DNAJC3: variants seen among roughly 807,000 people sequenced by gnomAD.
DNAJC3 encodes dnaJ homolog subfamily C member 3.
DNAJC3 carries 38 observed loss-of-function variants against 68.6 expected under a neutral mutation model. That is an observed-to-expected ratio of 0.55 (90% CI 0.43 to 0.73). The LOEUF (loss-of-function observed/expected upper bound fraction) is 0.73, where lower values mean the gene tolerates loss of function less well. DNAJC3 is among the 30% of genes least tolerant of loss of function. The pLI is 0.00. For missense variants in DNAJC3, 526 were observed against 591.9 expected, an observed-to-expected ratio of 0.89 and a Z score of 1.16; for synonymous variants, 203 against 204.0, an observed-to-expected ratio of 1.00 and a Z score of 0.04.
intron 2 of DNAJC3, among the ~76,000 whole-genome samples, chr13:95,712,428 G>T (rs1383459958): frequency 1.3e-5 from 2 of 149,402 alleles, no homozygotes; most frequent in Admixed American, 6.7e-5. Context: ...GGAAGCTGGA[G>T]TGTAGTAGTG....
At chr13:95,683,386 G>T (rs376043515) in intron 1 of DNAJC3, among the ~76,000 whole-genome samples, 1 of 152,130 alleles carries the variant, frequency 6.6e-6, no homozygotes, top group Non-Finnish European at 1.5e-5. Flanking sequence ...GATCATGGGG[G>T]TGGTTTCTAA....
chr13:95,751,394 A>G (rs1882476061), intron 4 of DNAJC3, among the ~76,000 whole-genome samples: 2 of 152,216 alleles, frequency 1.3e-5, no homozygotes, highest in Admixed American at 6.5e-5. Context: ...TGAGAACTAC[A>G]TAGGAGACCC....
intron 9 of DNAJC3, among the ~76,000 whole-genome samples, chr13:95,766,812 T>C (rs563597559): frequency 6.6e-6 from 1 of 152,174 alleles, no homozygotes; most frequent in Admixed American, 6.5e-5. Context: ...GCAATTCTCC[T>C]GCCTCAGCCT....
chr13:95,728,081 C>A (rs895306864), intron 4 of DNAJC3, among the ~76,000 whole-genome samples: 1 of 152,076 alleles, frequency 6.6e-6, no homozygotes, highest in Non-Finnish European at 1.5e-5. Context: ...TTTACATATC[C>A]TACTTAGTTT....
At chr13:95,736,012 A>G (rs1051215301) in intron 4 of DNAJC3, among the ~76,000 whole-genome samples, 3 of 152,168 alleles carry the variant, frequency 2.0e-5, no homozygotes, top group Non-Finnish European at 4.4e-5. Flanking sequence ...GGTGTAAGGA[A>G]GGGATCCAGT....
In DNAJC3 at chr13:95,677,176, G is replaced by T. The variant is rs1025013108; in HGVS notation, c.-80G>T. ...GCCTGAGCGAGAGCCGACGGCGGGC[G>T]GGCGCAGCTGCTGCCGGAGCGCCGG... On this transcript the variant is annotated 5_prime_UTR_variant, in exon 1 of 12. Transcript: ENST00000602402. 1.5e-6 allele frequency: 2 copies of T among 1,354,342 alleles called. No homozygotes were observed. Among genetic ancestry groups the T allele is most frequent in the African/African-American group, 1.5e-5 (1 of 66,686 alleles). The allele number at this position is 1,354,342 out of a possible 1,614,324, so 83.9% of individuals were successfully genotyped here.
chr13:95,764,064 A>G (rs1882901828), intron 9 of DNAJC3, 111 bp downstream of exon 9: 1 of 1,479,482 alleles, frequency 6.8e-7, no homozygotes, highest in East Asian at 2.3e-5. Flanking sequence ...GGAAATGTTG[A>G]CAATTTTAGA....
At chr13:95,742,925 C>A in intron 4 of DNAJC3, 1 of 462,240 alleles carries the variant, frequency 2.2e-6, no homozygotes, top group Non-Finnish European at 4.3e-6. Flanking sequence ...TATTTTTAAG[C>A]CCATAGTCTA....
chr13:95,700,269 T>A (rs998575105), intron 1 of DNAJC3, among the ~76,000 whole-genome samples: 4 of 152,328 alleles, frequency 2.6e-5, no homozygotes, highest in African/African-American at 9.6e-5. Context: ...CCTTTACTTA[T>A]GAAAATTTTC....
intron 4 of DNAJC3, among the ~76,000 whole-genome samples, chr13:95,755,868 G>A (rs978151319): frequency 2.0e-5 from 3 of 147,304 alleles, no homozygotes; most frequent in South Asian, 2.2e-4. Flanking sequence ...GAAGCCCCTC[G>A]TTTCTCCAAC....
chr13:95,747,851 T>C (rs549842430), intron 4 of DNAJC3, among the ~76,000 whole-genome samples: 127 of 152,304 alleles, frequency 8.3e-4, no homozygotes, highest in Non-Finnish European at 1.5e-3. Context: ...AAAGGAATTA[T>C]GATATCCAGG....
At chr13:95,699,501 G>A (rs958672176) in intron 1 of DNAJC3, among the ~76,000 whole-genome samples, 6 of 152,120 alleles carry the variant, frequency 3.9e-5, no homozygotes, top group African/African-American at 1.4e-4. Context: ...AAAATGTTAT[G>A]TTAAATGATA....
rs761442622 is a variant in DNAJC3, at chr13:95,791,063, T to TAAAG, written c.*35_*38dup. On this transcript the variant is annotated 3_prime_UTR_variant, in exon 12 of 12. Transcript: ENST00000602402. ...GTTTTTCTGCTCTTCTTAATTTTTT[T>TAAAG]AAAGATTAAAAACAAAGAAATCTTG... 1.9e-5 allele frequency: 30 copies of TAAAG among 1,598,844 alleles called. No individual in the cohort carries two copies. The highest frequency in any genetic ancestry group is 3.6e-5 in the Admixed American group (2 of 55,804).
intron 2 of DNAJC3, among the ~76,000 whole-genome samples, chr13:95,712,633 A>G (rs1421810194): frequency 1.3e-5 from 2 of 151,848 alleles, no homozygotes; most frequent in South Asian, 2.1e-4. Context: ...CCGCCTCCCA[A>G]AGAGCTGGGA....
At chr13:95,776,360 G>A (rs1453329155) in intron 9 of DNAJC3, among the ~76,000 whole-genome samples, 1 of 152,092 alleles carries the variant, frequency 6.6e-6, no homozygotes, top group Non-Finnish European at 1.5e-5. Context: ...CAGTGTTCTG[G>A]AGACACTGGA....
At chr13:95,769,519 G>C (rs986738660) in intron 9 of DNAJC3, among the ~76,000 whole-genome samples, 4 of 152,236 alleles carry the variant, frequency 2.6e-5, no homozygotes, top group Admixed American at 1.3e-4. Flanking sequence ...CATGTAATCA[G>C]AATCTATAAA....
intron 9 of DNAJC3, among the ~76,000 whole-genome samples, chr13:95,765,022 G>A (rs1882953129): frequency 6.6e-6 from 1 of 151,876 alleles, no homozygotes; most frequent in African/African-American, 2.4e-5. Flanking sequence ...TCCTCAATTA[G>A]AAAAGAATCT....
In DNAJC3 at chr13:95,763,836, G is replaced by A. The variant is rs749174113; in HGVS notation, c.958G>A (p.Glu320Lys). The change falls in exon 9 of 12, where the codon GAG becomes AAG. Residue 320 changes from glutamate (E) to lysine (K), a missense_variant. Coordinates refer to ENST00000602402, the MANE Select transcript of DNAJC3 (RefSeq NM_006260.5). ...CTTGTCTCACATTTCCTTTTAGGAC[G>A]AGAAGCCTGTTGAAGCTATTAGGGT... ...ERICHCFSKD[E>K]KPVEAIRVCS... 5.6e-6 allele frequency: 9 copies of A among 1,613,902 alleles called. No individual in the cohort carries two copies. The highest frequency in any genetic ancestry group is 5.9e-6 in the Non-Finnish European group (7 of 1,179,966).
At chr13:95,761,642 C>T (rs1882823969) in intron 7 of DNAJC3, among the ~76,000 whole-genome samples, 1 of 152,196 alleles carries the variant, frequency 6.6e-6, no homozygotes, top group Admixed American at 6.5e-5. Flanking sequence ...TATAGCCACA[C>T]CTACTTCCCT....
Sources: allele counts gnomAD v4.1 joint callset (sites outside exome capture counted in the v4.1 genomes callset), GRCh38; gene constraint gnomAD v4.1.1; transcripts MANE v1.5; gene names NCBI Gene and HGNC (gene_info 2026-07-23, HGNC 2026-07-21).